Variants in CADM2 observed in about 807,000 individuals in gnomAD.
CADM2 encodes cell adhesion molecule 2.
CADM2 carries 12 observed loss-of-function variants against 49.8 expected under a neutral mutation model. That is an observed-to-expected ratio of 0.24 (90% CI 0.15 to 0.39). CADM2 has a LOEUF of 0.39. CADM2 is among the 10% of genes least tolerant of loss of function. The pLI, the probability that CADM2 is intolerant of heterozygous loss-of-function variation, is 1.00. For synonymous variants in CADM2, 214 were observed against 175.4 expected (o/e 1.22, Z -1.74); for missense variants, 378 against 492.3 (o/e 0.77, Z 2.20).
At chr3:85,449,268 A>G (rs1354418983) in intron 1 of CADM2, among the ~76,000 whole-genome samples, 3 of 151,760 alleles carry the variant, frequency 2.0e-5, no homozygotes, top group Non-Finnish European at 2.9e-5. Context: ...TGGAATATAA[A>G]ATTGGTCTAT....
chr3:86,056,902 T>A lies in CADM2; in HGVS notation c.971-8703T>A, dbSNP rs189789883. 7.9e-5 allele frequency among the ~76,000 whole-genome samples: 12 copies of A among 152,298 alleles called. No individual in the cohort carries two copies. In the South Asian group the frequency reaches 1.7e-3, roughly 21 times the overall value. On this transcript the variant is annotated intron_variant, in intron 8 of 9. Coordinates refer to ENST00000383699, the MANE Select transcript of CADM2 (RefSeq NM_001167675.2). ...ATAAATTTGTGTTACACTAAATACA[T>A]TCTGAGAGGAAAGATTAAGTTTTGT...
At chr3:85,627,560 G>A (rs1332071822) in intron 1 of CADM2, among the ~76,000 whole-genome samples, 1 of 152,010 alleles carries the variant, frequency 6.6e-6, no homozygotes, top group Non-Finnish European at 1.5e-5. Context: ...TCTGTATCCA[G>A]AGACTAAGAA....
intron 1 of CADM2, among the ~76,000 whole-genome samples, chr3:85,393,258 T>C (rs1005238100): frequency 6.6e-6 from 1 of 152,038 alleles, no homozygotes; most frequent in Non-Finnish European, 1.5e-5. Context: ...CAGAACTTGA[T>C]GGTAAATTTG....
intron 1 of CADM2, among the ~76,000 whole-genome samples, chr3:85,375,537 A>G (rs2033544899): frequency 6.6e-6 from 1 of 152,236 alleles, no homozygotes; most frequent in Non-Finnish European, 1.5e-5. Flanking sequence ...AAGTTTGCTT[A>G]GAAGCTGTTC....
At chr3:85,624,858 A>G (rs1472833318) in intron 1 of CADM2, among the ~76,000 whole-genome samples, 3 of 152,106 alleles carry the variant, frequency 2.0e-5, no homozygotes, top group Non-Finnish European at 2.9e-5. Flanking sequence ...TTTATAGGGT[A>G]CATGAGAAGT....
At chr3:85,861,214 A>G (rs2075520040) in intron 3 of CADM2, among the ~76,000 whole-genome samples, 1 of 152,148 alleles carries the variant, frequency 6.6e-6, no homozygotes, top group Non-Finnish European at 1.5e-5. Context: ...GGTGAGAAAT[A>G]CTTGTGGCTT....
At chr3:85,279,877 G>T (rs968520234) in intron 1 of CADM2, among the ~76,000 whole-genome samples, 2 of 151,284 alleles carry the variant, frequency 1.3e-5, no homozygotes, top group African/African-American at 4.8e-5. Flanking sequence ...TTTTTAATTG[G>T]GTTATTAGTT....
At chr3:85,721,197 G>A (rs2067490797) in intron 1 of CADM2, among the ~76,000 whole-genome samples, 1 of 152,160 alleles carries the variant, frequency 6.6e-6, no homozygotes, top group Non-Finnish European at 1.5e-5. Context: ...TTTGTAGTGT[G>A]TACTATAAGT....
chr3:86,058,387 ATTC>A (rs1375961406), intron 8 of CADM2, among the ~76,000 whole-genome samples: 1 of 152,022 alleles, frequency 6.6e-6, no homozygotes, highest in East Asian at 1.9e-4. Context: ...TGTGTCAGAC[ATTC>A]TTCTAAGCCA....
intron 8 of CADM2, among the ~76,000 whole-genome samples, chr3:86,036,181 A>C (rs999564659): frequency 2.0e-5 from 3 of 152,116 alleles, no homozygotes; most frequent in Non-Finnish European, 4.4e-5. Context: ...AAACCTTAAT[A>C]TATTAAGTCT....
At chr3:85,870,990 T>G (rs2075906596) in intron 3 of CADM2, among the ~76,000 whole-genome samples, 1 of 152,136 alleles carries the variant, frequency 6.6e-6, no homozygotes, top group South Asian at 2.1e-4. Context: ...CTGACAGAGA[T>G]TTCCTGATGA....
chr3:85,407,767 G>A (rs1032833158), intron 1 of CADM2, among the ~76,000 whole-genome samples: 2 of 152,050 alleles, frequency 1.3e-5, no homozygotes, highest in African/African-American at 2.4e-5. Context: ...AAGATTGCTT[G>A]AGGCCAGGAG....
chr3:85,343,780 G>A (rs879637017), intron 1 of CADM2, among the ~76,000 whole-genome samples: 4 of 152,190 alleles, frequency 2.6e-5, no homozygotes, highest in African/African-American at 4.8e-5. Context: ...AGGAAGCCAG[G>A]CTGGAGCCGA....
chr3:85,669,078 C>T (rs115089578), intron 1 of CADM2, among the ~76,000 whole-genome samples: 142 of 152,104 alleles, frequency 9.3e-4, no homozygotes, highest in Non-Finnish European at 1.3e-3. Context: ...AGCTTGTTGC[C>T]TTTAAACTTG....
intron 1 of CADM2, among the ~76,000 whole-genome samples, chr3:85,608,395 G>C (rs1046572445): frequency 6.6e-6 from 1 of 152,008 alleles, no homozygotes; most frequent in Admixed American, 6.6e-5. Context: ...AGAGATGTTA[G>C]ATTTAATAGT....
intron 1 of CADM2, among the ~76,000 whole-genome samples, chr3:85,020,467 G>A (rs1384762121): frequency 6.6e-6 from 1 of 152,014 alleles, no homozygotes; most frequent in Non-Finnish European, 1.5e-5. Flanking sequence ...TAAAAATGGT[G>A]TTATGAATAA....
chr3:85,425,719 G>A (rs560260136), intron 1 of CADM2, among the ~76,000 whole-genome samples: 4 of 152,056 alleles, frequency 2.6e-5, no homozygotes, highest in East Asian at 3.9e-4. Context: ...CAGGTCTTGG[G>A]GGTGACAAAG....
At chr3:85,466,972 C>A (rs1316539748) in intron 1 of CADM2, among the ~76,000 whole-genome samples, 1 of 152,108 alleles carries the variant, frequency 6.6e-6, no homozygotes, top group Non-Finnish European at 1.5e-5. Context: ...TGAATAACTA[C>A]CAGCTTCAAT....
chr3:85,070,398 A>C (rs1215440838), intron 1 of CADM2, among the ~76,000 whole-genome samples: 1 of 152,174 alleles, frequency 6.6e-6, no homozygotes, highest in Non-Finnish European at 1.5e-5. Flanking sequence ...TTATAGAAAG[A>C]CTAGATTCCT....
Sources: gnomAD v4.1 joint callset for allele counts (sites outside exome capture counted in the v4.1 genomes callset) on GRCh38, gnomAD v4.1.1 for gene constraint, MANE v1.5 for transcripts, NCBI Gene and HGNC (gene_info 2026-07-23, HGNC 2026-07-21) for gene names.